Variants in MACROD2 observed in about 807,000 individuals in gnomAD.
MACROD2 encodes ADP-ribose glycohydrolase MACROD2.
MACROD2 carries 36 observed loss-of-function variants against 70.4 expected under a neutral mutation model. That is an observed-to-expected ratio of 0.51 (90% confidence interval 0.39 to 0.68). The LOEUF is 0.68. MACROD2 is among the 30% of genes least tolerant of loss of function. MACROD2 has a pLI of 0.00. For missense variants in MACROD2, 496 were observed against 538.4 expected (o/e 0.92, Z 0.78); for synonymous variants, 172 against 178.8 (o/e 0.96, Z 0.30).
chr20:14,832,250 T>C (rs2072979031), intron 5 of MACROD2, among the ~76,000 whole-genome samples: 2 of 151,766 alleles, frequency 1.3e-5, no homozygotes. Context: ...TTCACTGTAT[T>C]AGCCTCGAGT....
intron 4 of MACROD2, among the ~76,000 whole-genome samples, chr20:14,658,206 T>C (rs1212685513): frequency 1.3e-5 from 2 of 152,222 alleles, no homozygotes; most frequent in African/African-American, 4.8e-5. Context: ...ACTTCAGATA[T>C]TATTTTGCCA....
chr20:14,836,048 C>T (rs1299268947), intron 5 of MACROD2, among the ~76,000 whole-genome samples: 3 of 151,844 alleles, frequency 2.0e-5, no homozygotes, highest in Non-Finnish European at 4.4e-5. Flanking sequence ...TACAGAATTC[C>T]CCCAAAGAGT....
intron 5 of MACROD2, among the ~76,000 whole-genome samples, chr20:15,170,693 G>A (rs2076416490): frequency 6.6e-6 from 1 of 152,174 alleles, no homozygotes; most frequent in African/African-American, 2.4e-5. Flanking sequence ...TAAGTTGGGG[G>A]ACTCTGGGAA....
At chr20:14,828,318 T>C (rs2072925085) in intron 5 of MACROD2, among the ~76,000 whole-genome samples, 1 of 152,172 alleles carries the variant, frequency 6.6e-6, no homozygotes. Context: ...ACAACTTCTA[T>C]GAAAGAGGCA....
intron 11 of MACROD2, among the ~76,000 whole-genome samples, chr20:15,936,672 T>TAC (rs1491537489): frequency 1.0e-3 from 3 of 2,874 alleles, no homozygotes; most frequent in Non-Finnish European, 0.024. Flanking sequence ...TATATGTGTG[T>TAC]ATATATATAT....
intron 5 of MACROD2, among the ~76,000 whole-genome samples, chr20:14,755,876 A>G (rs1226565476): frequency 4.6e-5 from 7 of 152,110 alleles, no homozygotes; most frequent in Non-Finnish European, 4.4e-5. Context: ...AACATTTGTT[A>G]TATGTGTTAT....
chr20:14,269,302 G>C (rs543043739), intron 3 of MACROD2, among the ~76,000 whole-genome samples: 7 of 152,178 alleles, frequency 4.6e-5, no homozygotes, highest in Non-Finnish European at 1.0e-4. Flanking sequence ...GAGAATGTAA[G>C]AATATCTCCA....
At chr20:15,435,265 A>G (rs1291933716) in intron 7 of MACROD2, among the ~76,000 whole-genome samples, 1 of 152,168 alleles carries the variant, frequency 6.6e-6, no homozygotes, top group East Asian at 1.9e-4. Context: ...AATACAGTAG[A>G]CATAACTTAA....
At chr20:14,145,269 A>G (rs571799549) in intron 3 of MACROD2, among the ~76,000 whole-genome samples, 4 of 152,210 alleles carry the variant, frequency 2.6e-5, no homozygotes, top group South Asian at 2.1e-4. Context: ...CTTTTTCTAC[A>G]TGTTCTAAAC....
intron 4 of MACROD2, among the ~76,000 whole-genome samples, chr20:14,637,517 C>T (rs1256124537): frequency 6.6e-6 from 1 of 152,218 alleles, no homozygotes; most frequent in African/African-American, 2.4e-5. Flanking sequence ...TAAGCTCCCA[C>T]CTTGTGTAGT....
chr20:15,243,400 G>A (rs934369065), intron 6 of MACROD2, among the ~76,000 whole-genome samples: 1 of 152,192 alleles, frequency 6.6e-6, no homozygotes, highest in African/African-American at 2.4e-5. Context: ...GTAATAGGCT[G>A]AGTATTCTGT....
At chr20:15,255,150 A>T (rs547842167) in intron 6 of MACROD2, among the ~76,000 whole-genome samples, 1 of 152,160 alleles carries the variant, frequency 6.6e-6, no homozygotes, top group South Asian at 2.1e-4. Context: ...AACAGATTAT[A>T]TTGAACCTGA....
rs117282577 is a variant in MACROD2, at chr20:14,795,647, G to A, written c.418+110688G>A. 4.2e-3 allele frequency among the ~76,000 whole-genome samples: 640 copies of A among 152,236 alleles called. 1 individual carries two copies. The highest frequency in any genetic ancestry group is 7.6e-3 in the Non-Finnish European group (515 of 68,014). On this transcript the variant is annotated intron_variant, in intron 5 of 17. Coordinates refer to ENST00000684519, the MANE Select transcript of MACROD2 (RefSeq NM_001351661.2). ...ATAGACAGTTGAATATCCAAGTTTG[G>A]AAATTACAGCAGGAGGCAAGGCCAG... is the stretch of plus-strand genomic sequence containing the variant.
chr20:15,259,747 C>T (rs1301069631), intron 6 of MACROD2, among the ~76,000 whole-genome samples: 1 of 151,748 alleles, frequency 6.6e-6, no homozygotes, highest in Non-Finnish European at 1.5e-5. Flanking sequence ...TTCATCACAC[C>T]ATAGGCTTTT....
intron 6 of MACROD2, among the ~76,000 whole-genome samples, chr20:15,405,805 T>C (rs2045992679): frequency 6.6e-6 from 1 of 152,212 alleles, no homozygotes; most frequent in Admixed American, 6.5e-5. Flanking sequence ...GCAACAGCTT[T>C]TACCAGTTTC....
intron 8 of MACROD2, among the ~76,000 whole-genome samples, chr20:15,814,194 T>G (rs1466852908): frequency 6.6e-6 from 1 of 152,190 alleles, no homozygotes; most frequent in African/African-American, 2.4e-5. Flanking sequence ...CCTTAACACT[T>G]TACTATGCTC....
At chr20:15,806,942 C>T (rs1467525850) in intron 8 of MACROD2, among the ~76,000 whole-genome samples, 1 of 152,158 alleles carries the variant, frequency 6.6e-6, no homozygotes, top group African/African-American at 2.4e-5. Context: ...TATTTTCTCT[C>T]CACCCTAGAA....
intron 5 of MACROD2, among the ~76,000 whole-genome samples, chr20:15,091,261 A>G (rs779471401): frequency 6.6e-6 from 1 of 151,988 alleles, no homozygotes; most frequent in East Asian, 1.9e-4. Context: ...ATAAATCTAG[A>G]TTTGTTCCAA....
At chr20:14,106,927 G>T (rs543102567) in intron 3 of MACROD2, among the ~76,000 whole-genome samples, 1 of 152,204 alleles carries the variant, frequency 6.6e-6, no homozygotes, top group African/African-American at 2.4e-5. Flanking sequence ...ACATGGAGGG[G>T]CACAAACAAG....
Sources: allele counts gnomAD v4.1 joint callset (sites outside exome capture counted in the v4.1 genomes callset), GRCh38; gene constraint gnomAD v4.1.1; transcripts MANE v1.5; gene names NCBI Gene and HGNC (gene_info 2026-07-23, HGNC 2026-07-21).